The following ANKRD31 variants were observed in gnomAD, a reference collection of about 807,000 sequenced individuals.
The protein encoded by ANKRD31 is ankyrin repeat domain 31.
ANKRD31 carries 147 observed loss-of-function variants against 186.0 expected under a neutral mutation model. The observed-to-expected ratio is 0.79, with a 90% CI of 0.69 to 0.91. ANKRD31 has a LOEUF of 0.91. Among genes scored for constraint, ANKRD31 ranks in the 40% least tolerant of loss-of-function variants. The pLI, the probability that ANKRD31 is intolerant of heterozygous loss-of-function variation, is 0.00. For synonymous variants in ANKRD31, 673 were observed against 736.4 expected, an observed-to-expected ratio of 0.91 and a Z score of 1.39; for missense variants, 1,986 against 2,148.8, an observed-to-expected ratio of 0.92 and a Z score of 1.50.
chr5:75,227,389 T>C (rs889769027), intron 2 of ANKRD31, among the ~76,000 whole-genome samples: 1 of 152,174 alleles, frequency 6.6e-6, no homozygotes, highest in Non-Finnish European at 1.5e-5. Flanking sequence ...ATAGTCAAAA[T>C]TAATTAATTG....
At chr5:75,224,662 A>T (rs1234820572) in intron 2 of ANKRD31, among the ~76,000 whole-genome samples, 1 of 152,194 alleles carries the variant, frequency 6.6e-6, no homozygotes, top group African/African-American at 2.4e-5. Flanking sequence ...CATTAAAAAT[A>T]TAAAAGCTAT....
Position 75,107,508 on chromosome 5 carries a change from T to A in ANKRD31, c.4340+13A>T. 6.8e-7 allele frequency: 1 copy of A among 1,476,878 alleles called. No homozygotes were observed. Among genetic ancestry groups the A allele is most frequent in the Middle Eastern group, 1.7e-4 (1 of 5,774 alleles). The allele number at this position is 1,476,878 out of a possible 1,614,324, so 91.5% of individuals were successfully genotyped here. ...AACTCAAAAGCACTCTTTTTTTTTCTTTTTCTACTCACCTGTATTTTTTAG... is the reference window on the plus strand; with the variant it reads ...AACTCAAAAGCACTCTTTTTTTTTCATTTTCTACTCACCTGTATTTTTTAG... On this transcript the variant is annotated intron_variant, in intron 21 of 25. Coordinates refer to ENST00000506364, the MANE Select transcript of ANKRD31 (RefSeq NM_001372053.1).
intron 19 of ANKRD31, among the ~76,000 whole-genome samples, chr5:75,115,980 T>G (rs1748207420): frequency 6.6e-6 from 1 of 151,918 alleles, no homozygotes; most frequent in Non-Finnish European, 1.5e-5. Flanking sequence ...TGCGGCATTA[T>G]TCACAATAGC....
intron 10 of ANKRD31, among the ~76,000 whole-genome samples, chr5:75,170,668 C>T (rs1753246129): frequency 6.6e-6 from 1 of 152,058 alleles, no homozygotes; most frequent in African/African-American, 2.4e-5. Flanking sequence ...TCCCTTCCTC[C>T]TCCCATAAGT....
intron 23 of ANKRD31, among the ~76,000 whole-genome samples, chr5:75,085,831 A>G (rs1745444700): frequency 1.3e-5 from 2 of 152,258 alleles, no homozygotes; most frequent in Admixed American, 6.5e-5. Flanking sequence ...AGCATCTGGC[A>G]TACTGTCTAG....
chr5:75,184,353 A>T (rs1754551442), intron 10 of ANKRD31, among the ~76,000 whole-genome samples: 2 of 152,144 alleles, frequency 1.3e-5, no homozygotes, highest in Non-Finnish European at 2.9e-5. Context: ...TTTAGATAAG[A>T]CCTTAAAAGC....
At chr5:75,107,193 T>C (rs1017982959) in intron 21 of ANKRD31, among the ~76,000 whole-genome samples, 9 of 152,016 alleles carry the variant, frequency 5.9e-5, no homozygotes, top group Admixed American at 6.6e-5. Context: ...AAGAAACTTT[T>C]TTAGTGTAGA....
intron 17 of ANKRD31, among the ~76,000 whole-genome samples, chr5:75,122,819 G>A: frequency 6.6e-6 from 1 of 152,040 alleles, no homozygotes; most frequent in Non-Finnish European, 1.5e-5. Flanking sequence ...CAAACTTATG[G>A]CCAATATCAT....
chr5:75,115,594 C>T (rs9687109), intron 19 of ANKRD31, among the ~76,000 whole-genome samples: 6,718 of 150,826 alleles, frequency 0.045, 309 homozygotes, highest in African/African-American at 0.12. Context: ...AAAAAGTGGG[C>T]AAAGGACATG....
chr5:75,145,144 T>C (rs755792090), intron 14 of ANKRD31, among the ~76,000 whole-genome samples: 16 of 151,952 alleles, frequency 1.1e-4, no homozygotes, highest in Non-Finnish European at 2.1e-4. Flanking sequence ...TTGGTGGGAG[T>C]GTAAATTAGT....
intron 17 of ANKRD31, among the ~76,000 whole-genome samples, chr5:75,129,222 A>G (rs966115263): frequency 6.6e-6 from 1 of 152,066 alleles, no homozygotes; most frequent in Admixed American, 6.5e-5. Context: ...TTCACCTTCC[A>G]CCATGATTTT....
rs1427795863 is a variant in ANKRD31, at chr5:75,146,536, T to G, written c.2875A>C (p.Lys959Gln). ...GGAAGTGTGGTTAGGCTGACTGCTT[T>G]TAACTCATTTTCCTGTGAAAGATGA... ...EDHLSQENEL[K>Q]AVSLTTLPEQ... is the part of the protein sequence containing the mutation. Residue 959 changes from lysine to glutamine, a missense_variant, in exon 14 of 26, where the codon AAA becomes CAA. Lys to Gln is a moderately conservative substitution (Grantham distance 53, BLOSUM62 1). Coordinates refer to ENST00000506364, the MANE Select transcript of ANKRD31 (RefSeq NM_001372053.1). 1.5e-5 allele frequency: 23 copies of G among 1,536,514 alleles called. No homozygotes were observed. In the East Asian group the frequency reaches 5.1e-4, roughly 34 times the overall value.
Position 75,080,570 on chromosome 5 carries a change from T to G in ANKRD31, c.5645A>C (p.Gln1882Pro), listed in dbSNP as rs1274968127. Residue 1882 changes from glutamine to proline, a missense_variant and splice_region_variant, in exon 25 of 26, where the codon CAA (glutamine) becomes CCA (proline). Transcript: ENST00000506364. Reference sequence around the variant, plus strand: ...TGAATATTTTCTTTTTTTTTTACCTTGTCCAAATTTTGTTTTCTCAAACAT... The same window carrying G: ...TGAATATTTTCTTTTTTTTTTACCTGGTCCAAATTTTGTTTTCTCAAACAT... ...KSMFEKTKFG[Q>P]GTSRESMQSS... is the part of the protein sequence containing the mutation. 1 of 1,525,782 alleles carries G rather than the reference T, an allele frequency of 6.6e-7. No homozygotes were observed. Among genetic ancestry groups the G allele is most frequent in the South Asian group, 1.2e-5 (1 of 81,692 alleles). 94.5% of individuals were successfully genotyped at this position (1,525,782 alleles called of 1,614,324 possible). A position where few individuals can be genotyped will look rare whatever the true frequency, so the allele number is the denominator to read the frequency against.
chr5:75,177,675 G>A (rs1244861578), intron 10 of ANKRD31, among the ~76,000 whole-genome samples: 1 of 152,080 alleles, frequency 6.6e-6, no homozygotes, highest in Non-Finnish European at 1.5e-5. Context: ...TTACAGACAA[G>A]CAAATGCTGA....
Position 75,112,603 on chromosome 5 carries a change from A to C in ANKRD31, c.4156-3T>G. 1 of 1,498,426 alleles carries C rather than the reference A, an allele frequency of 6.7e-7. No individual in the cohort carries two copies. The highest frequency in any genetic ancestry group is 8.9e-7 in the Non-Finnish European group (1 of 1,121,950). The allele number at this position is 1,498,426 out of a possible 1,614,324, so 92.8% of individuals were successfully genotyped here. Reference sequence around the variant, plus strand: ...AGAATGGCACTGAGGGTCTGATGCTATCAGATAAAAATATTTGAAACTTCA... The same window carrying C: ...AGAATGGCACTGAGGGTCTGATGCTCTCAGATAAAAATATTTGAAACTTCA... On this transcript the variant is annotated splice_polypyrimidine_tract_variant and splice_region_variant and intron_variant, in intron 19 of 25. Transcript: ENST00000506364.
intron 17 of ANKRD31, among the ~76,000 whole-genome samples, chr5:75,129,917 G>A (rs553861485): frequency 1.3e-5 from 2 of 152,234 alleles, no homozygotes; most frequent in Admixed American, 6.5e-5. Context: ...CTGGAAAATC[G>A]GGACACTCCT....
At chr5:75,231,906 A>AACACACACACACACACACAC (rs56755264) in intron 1 of ANKRD31, among the ~76,000 whole-genome samples, 1 of 144,608 alleles carries the variant, frequency 6.9e-6, no homozygotes, top group African/African-American at 2.5e-5. Context: ...ACTGTCTCAA[A>AACACACACACACACACACAC]ACACACACAC....
At chr5:75,229,695 T>C (rs564717586) in intron 2 of ANKRD31, among the ~76,000 whole-genome samples, 3 of 151,694 alleles carry the variant, frequency 2.0e-5, no homozygotes, top group Non-Finnish European at 4.4e-5. Context: ...TGAAACCCCG[T>C]CTCTACTAAA....
At chr5:75,178,728 C>T (rs543409093) in intron 10 of ANKRD31, among the ~76,000 whole-genome samples, 15 of 151,670 alleles carry the variant, frequency 9.9e-5, no homozygotes, top group South Asian at 2.1e-4. Context: ...GGGACACATT[C>T]AAAGCAGTGT....
Sources: allele counts gnomAD v4.1 joint callset (sites outside exome capture counted in the v4.1 genomes callset), GRCh38; gene constraint gnomAD v4.1.1; transcripts MANE v1.5; gene names NCBI Gene and HGNC (gene_info 2026-07-23, HGNC 2026-07-21).